The following CHD7 variants were observed in gnomAD, a reference collection of about 807,000 sequenced individuals.
CHD7 encodes the protein chromodomain helicase DNA binding protein 7.
CHD7 carries 24 observed loss-of-function variants against 307.3 expected under a neutral mutation model. That is an observed-to-expected ratio of 0.08 (90% CI 0.06 to 0.11). The LOEUF (loss-of-function observed/expected upper bound fraction) is 0.11, where lower values mean the gene tolerates loss of function less well. Among genes scored for constraint, CHD7 ranks in the 10% least tolerant of loss-of-function variants. The probability of loss-of-function intolerance (pLI) is 1.00; values close to 1 mark genes in which losing one functional copy is unlikely to be tolerated. For synonymous variants in CHD7, 1,363 were observed against 1,349.9 expected (o/e 1.01, Z -0.21); for missense variants, 3,106 against 3,727.1 (o/e 0.83, Z 4.34).
intron 1 of CHD7, among the ~76,000 whole-genome samples, chr8:60,713,392 G>A (rs959629026): frequency 2.7e-5 from 4 of 149,714 alleles, no homozygotes; most frequent in Non-Finnish European, 5.9e-5. Context: ...TTACAGGCGT[G>A]AGCCACTGCG....
intron 1 of CHD7, among the ~76,000 whole-genome samples, chr8:60,734,672 A>G (rs147749230): frequency 1.3e-5 from 2 of 152,282 alleles, no homozygotes; most frequent in African/African-American, 2.4e-5. Context: ...GATGGTTGGT[A>G]AACTTTGAGT....
intron 1 of CHD7, among the ~76,000 whole-genome samples, chr8:60,721,601 A>G (rs561097895): frequency 4.5e-4 from 69 of 152,298 alleles, no homozygotes; most frequent in Admixed American, 8.5e-4. Flanking sequence ...ATGCTTGGTA[A>G]AGCAGACTGC....
At chr8:60,734,401 GAA>G (rs1158370277) in intron 1 of CHD7, among the ~76,000 whole-genome samples, 1 of 152,226 alleles carries the variant, frequency 6.6e-6, no homozygotes, top group East Asian at 1.9e-4. Context: ...CCAGTCGCCA[GAA>G]AGAGAGGGAG....
At chr8:60,789,179 C>G (rs1205687987) in intron 3 of CHD7, among the ~76,000 whole-genome samples, 1 of 152,196 alleles carries the variant, frequency 6.6e-6, no homozygotes, top group Non-Finnish European at 1.5e-5. Context: ...TTTAGTGTGG[C>G]AGCTCAGATC....
intron 2 of CHD7, among the ~76,000 whole-genome samples, chr8:60,752,063 G>T (rs1308418355): frequency 4.6e-5 from 7 of 152,094 alleles, no homozygotes; most frequent in African/African-American, 1.4e-4. Flanking sequence ...AAGTGTATTT[G>T]TCCTGTTTTC....
chr8:60,799,096 A>G (rs941084124), intron 4 of CHD7, among the ~76,000 whole-genome samples: 3 of 152,240 alleles, frequency 2.0e-5, no homozygotes, highest in African/African-American at 4.8e-5. Flanking sequence ...AACAAGATAT[A>G]CAGTCTTTTT....
chr8:60,764,199 C>A (rs1563580303), intron 2 of CHD7, among the ~76,000 whole-genome samples: 1 of 152,102 alleles, frequency 6.6e-6, no homozygotes, highest in Non-Finnish European at 1.5e-5. Flanking sequence ...CCATGTTAGC[C>A]AGGGTGGTCT....
At chr8:60,811,528 A>G (rs926477270) in intron 7 of CHD7, among the ~76,000 whole-genome samples, 3 of 152,204 alleles carry the variant, frequency 2.0e-5, no homozygotes, top group Non-Finnish European at 2.9e-5. Flanking sequence ...TTTCAGCTGT[A>G]TAATATTCCA....
intron 1 of CHD7, among the ~76,000 whole-genome samples, chr8:60,691,914 A>C (rs929199134): frequency 6.6e-6 from 1 of 152,154 alleles, no homozygotes; most frequent in African/African-American, 2.4e-5. Flanking sequence ...AGAATTAGAC[A>C]GTCGCTTAGG....
intron 1 of CHD7, among the ~76,000 whole-genome samples, chr8:60,717,300 C>G (rs938897270): frequency 9.2e-5 from 14 of 152,194 alleles, no homozygotes; most frequent in African/African-American, 3.4e-4. Flanking sequence ...TACTTGTTGG[C>G]TGCAGAGTAA....
intron 1 of CHD7, among the ~76,000 whole-genome samples, chr8:60,721,194 T>C (rs946790157): frequency 6.6e-6 from 1 of 152,170 alleles, no homozygotes; most frequent in African/African-American, 2.4e-5. Flanking sequence ...TATTTGGAGA[T>C]AGGGCCTTTA....
intron 24 of CHD7, 90 bp from the exon 25 acceptor site, chr8:60,848,961 G>A (rs527793426): frequency 4.8e-5 from 49 of 1,029,268 alleles, no homozygotes; most frequent in Middle Eastern, 2.2e-4. Flanking sequence ...GATGTTTATC[G>A]TGGGAGAGAG....
At chr8:60,686,649 G>C (rs1317457285) in intron 1 of CHD7, among the ~76,000 whole-genome samples, 1 of 152,168 alleles carries the variant, frequency 6.6e-6, no homozygotes, top group Admixed American at 6.5e-5. Flanking sequence ...TGCTGAGCAG[G>C]GACCGCGTGC....
intron 23 of CHD7, among the ~76,000 whole-genome samples, chr8:60,846,958 T>C (rs1805235336): frequency 6.6e-6 from 1 of 152,230 alleles, no homozygotes; most frequent in African/African-American, 2.4e-5. Context: ...CCAACCCTTT[T>C]GGTATCTCAG....
In CHD7 at chr8:60,852,745, G is replaced by A. The variant is rs775485020; in HGVS notation, c.6103+39G>A. The A allele has an allele frequency of 1.4e-5, 23 of 1,610,810 alleles. No homozygotes were observed. In the East Asian group the frequency reaches 1.6e-4, roughly 11 times the overall value. ...GCAACAAAGTTCTATACAAAAAGAC[G>A]AGTAAAGTGAAAAATAAGAAAGTGT... On this transcript the variant is annotated intron_variant, in intron 30 of 37. Transcript: ENST00000423902.
At chr8:60,746,657 T>C (rs1425884883) in intron 2 of CHD7, among the ~76,000 whole-genome samples, 1 of 152,246 alleles carries the variant, frequency 6.6e-6, no homozygotes, top group African/African-American at 2.4e-5. Flanking sequence ...GTTCTTTATG[T>C]GTTTCCTGGC....
At chr8:60,825,527 GT>G (rs766137592) in intron 13 of CHD7, 2 of 152,216 alleles carry the variant, frequency 1.3e-5, no homozygotes, top group Non-Finnish European at 2.9e-5. Context: ...CTCTGTGTTT[GT>G]ATTTGTTCAC....
Position 60,781,017 on chromosome 8 carries a change from C to G in CHD7, c.1683C>G (p.Pro561=), listed in dbSNP as rs761166467. The G allele has an allele frequency of 1.9e-6, 3 of 1,568,482 alleles. No individual in the cohort carries two copies. The East Asian group carries it at 6.8e-5, about 35-fold the overall frequency. Residue 561 remains proline (P), a synonymous_variant, in exon 3 of 38, where the codon CCC becomes CCG. Coordinates refer to ENST00000423902, the MANE Select transcript of CHD7 (RefSeq NM_017780.4). Reference sequence around the variant, plus strand: ...TCTCTCAGCATTCCCCGTCGGAGCCCTTTCTAGAGAAACCAGTGCCGGATA... The same window carrying G: ...TCTCTCAGCATTCCCCGTCGGAGCCGTTTCTAGAGAAACCAGTGCCGGATA... ...VPVHQHSPSE[P]FLEKPVPDMT...
chr8:60,712,982 G>C (rs555858696), intron 1 of CHD7, among the ~76,000 whole-genome samples: 2 of 150,954 alleles, frequency 1.3e-5, no homozygotes, highest in Non-Finnish European at 3.0e-5. Context: ...ACCCTGGAGG[G>C]GGAGTTACGC....
Sources: gnomAD v4.1 joint callset for allele counts (sites outside exome capture counted in the v4.1 genomes callset) on GRCh38, gnomAD v4.1.1 for gene constraint, MANE v1.5 for transcripts, NCBI Gene and HGNC (gene_info 2026-07-23, HGNC 2026-07-21) for gene names.